EFHD2: variants seen among roughly 807,000 people sequenced by gnomAD.
EFHD2 encodes the protein EF-hand domain family member D2, also known as EF-hand domain-containing protein D2.
A neutral mutation model predicts 20.3 loss-of-function variants in EFHD2; 12 were observed. The ratio of observed to expected loss-of-function variants is 0.59; its 90% CI spans 0.38 to 0.96. The LOEUF (loss-of-function observed/expected upper bound fraction) is 0.96, where lower values mean the gene tolerates loss of function less well. Among genes scored for constraint, EFHD2 ranks in the 40% least tolerant of loss-of-function variants. The probability of loss-of-function intolerance (pLI) is 0.00; values close to 1 mark genes in which losing one functional copy is unlikely to be tolerated. For missense variants in EFHD2, 250 were observed against 334.3 expected (o/e 0.75, Z 1.97); for synonymous variants, 131 against 143.9 (o/e 0.91, Z 0.64).
chr1:15,423,307 G>T (rs1429796430), intron 1 of EFHD2, among the ~76,000 whole-genome samples: 1 of 152,004 alleles, frequency 6.6e-6, no homozygotes, highest in Non-Finnish European at 1.5e-5. Flanking sequence ...TCCATCAGTG[G>T]GGCAGAAGCC....
Position 15,425,912 on chromosome 1 carries a change from T to TAA in EFHD2, c.353_354dup (p.Leu119AsnfsTer3). The TAA allele has an allele frequency of 6.2e-7, 1 of 1,606,924 alleles. No individual in the cohort carries two copies. On this transcript the variant is annotated frameshift_variant, in exon 2 of 4. Coordinates refer to ENST00000375980, the MANE Select transcript of EFHD2 (RefSeq NM_024329.6). LOFTEE classifies it high-confidence loss of function. ...GACGGCTTCATCGACCTGATGGAGC[T>TAA]AAAACTCATGATGGAGAAACTTGGG...
intron 1 of EFHD2, among the ~76,000 whole-genome samples, chr1:15,422,953 GAGC>G (rs1380758954): frequency 3.3e-5 from 5 of 151,686 alleles, no homozygotes; most frequent in Non-Finnish European, 2.9e-5. Flanking sequence ...CTGACCTTGG[GAGC>G]CCAGGGTCAG....
intron 3 of EFHD2, chr1:15,428,055 T>C (rs758026627): frequency 1.7e-5 from 8 of 463,344 alleles, no homozygotes; most frequent in South Asian, 9.4e-5. Flanking sequence ...ATCAGAGTTA[T>C]TGGGTGCCAG....
chr1:15,411,058 G>C (rs904229598), intron 1 of EFHD2, among the ~76,000 whole-genome samples: 11 of 151,652 alleles, frequency 7.3e-5, no homozygotes, highest in Non-Finnish European at 1.2e-4. Context: ...CACTCCAGTC[G>C]TCCCTGTGGG....
At chr1:15,414,403 C>G (rs983484462) in intron 1 of EFHD2, among the ~76,000 whole-genome samples, 5 of 152,270 alleles carry the variant, frequency 3.3e-5, no homozygotes, top group African/African-American at 1.2e-4. Flanking sequence ...GGTTTGAATA[C>G]AGCTGTGGGC....
intron 1 of EFHD2, among the ~76,000 whole-genome samples, chr1:15,423,209 A>T (rs766953299): frequency 3.9e-5 from 6 of 152,154 alleles, no homozygotes; most frequent in Non-Finnish European, 8.8e-5. Flanking sequence ...GGCCTGCCTG[A>T]CCCTCTGAGT....
chr1:15,410,370 G>C, intron 1 of EFHD2, 91 bp downstream of exon 1: 1 of 1,414,834 alleles, frequency 7.1e-7, no homozygotes, highest in Non-Finnish European at 9.4e-7. Context: ...CTCCGCCCCG[G>C]GAGCCTGCCG....
chr1:15,410,732 G>A (rs1297521583), intron 1 of EFHD2, among the ~76,000 whole-genome samples: 2 of 151,134 alleles, frequency 1.3e-5, no homozygotes, highest in Non-Finnish European at 2.9e-5. Context: ...AGCTACTCGC[G>A]TTCCCCACCC....
At chr1:15,415,194 G>A (rs188133348) in intron 1 of EFHD2, among the ~76,000 whole-genome samples, 3 of 152,296 alleles carry the variant, frequency 2.0e-5, no homozygotes, top group African/African-American at 7.2e-5. Context: ...GCCCTCAAGA[G>A]GCTTATAGCC....
chr1:15,420,682 G>C (rs1458376218), intron 1 of EFHD2, among the ~76,000 whole-genome samples: 2 of 152,102 alleles, frequency 1.3e-5, no homozygotes, highest in East Asian at 3.9e-4. Context: ...ACCATGCCTG[G>C]CTAATTTCTA....
In EFHD2 at chr1:15,429,889, G is replaced by A. The variant is rs1254684496; in HGVS notation, c.*1165G>A. On this transcript the variant is annotated 3_prime_UTR_variant, in exon 4 of 4. Transcript: ENST00000375980. ...TGCTTGCTGACATGCGTGTGCCTGT[G>A]TGTGGTGTCTGTTGCTGTGTCGTGA... The A allele has an allele frequency of 2.0e-5, 3 of 152,752 alleles. No individual in the cohort carries two copies. Among genetic ancestry groups the A allele is most frequent in the African/African-American group, 7.2e-5 (3 of 41,470 alleles). The allele number at this position is 152,752 out of a possible 1,614,324, so 9.5% of individuals were successfully genotyped here.
chr1:15,426,715 G>A lies in EFHD2; in HGVS notation c.457-435G>A, dbSNP rs978944632. On this transcript the variant is annotated intron_variant, in intron 2 of 3. Transcript: ENST00000375980. The surrounding 1 kb of genome is among the most constrained non-coding windows in gnomAD (Gnocchi z 4.6). ...CAGGGTAACAGCTTAGAGTTCGAGAGCAGGGTTCCATCCCTCTGACACGTT... is the reference window on the plus strand; with the variant it reads ...CAGGGTAACAGCTTAGAGTTCGAGAACAGGGTTCCATCCCTCTGACACGTT... Among the ~76,000 whole-genome samples, 8 of 152,126 alleles carry A rather than the reference G, an allele frequency of 5.3e-5. No homozygotes were observed. The highest frequency in any genetic ancestry group is 1.2e-4 in the Non-Finnish European group (8 of 68,012).
chr1:15,416,873 G>C (rs956145667), intron 1 of EFHD2, among the ~76,000 whole-genome samples: 5 of 152,046 alleles, frequency 3.3e-5, no homozygotes, highest in African/African-American at 1.2e-4. Context: ...GCAGTGGTAC[G>C]ATCATAGCTC....
intron 1 of EFHD2, among the ~76,000 whole-genome samples, chr1:15,423,840 T>G (rs1707830792): frequency 6.6e-6 from 1 of 152,146 alleles, no homozygotes; most frequent in Non-Finnish European, 1.5e-5. Flanking sequence ...TCACCAGCAC[T>G]GTCACCCAGC....
At chr1:15,411,498 C>T (rs1261004380) in intron 1 of EFHD2, among the ~76,000 whole-genome samples, 1 of 152,246 alleles carries the variant, frequency 6.6e-6, no homozygotes, top group Non-Finnish European at 1.5e-5. Context: ...CCACTCTCTC[C>T]CAGCCATGTG....
intron 1 of EFHD2, among the ~76,000 whole-genome samples, chr1:15,424,412 T>C (rs895294690): frequency 6.6e-6 from 1 of 152,084 alleles, no homozygotes; most frequent in Non-Finnish European, 1.5e-5. Flanking sequence ...ACCTAGACTC[T>C]TACTACACAG....
At chr1:15,418,398 T>C (rs2496318) in intron 1 of EFHD2, among the ~76,000 whole-genome samples, 145,311 of 145,440 alleles carry the variant, frequency 1, 72,591 homozygotes, top group South Asian at 1. Flanking sequence ...CTCCGCCTCC[T>C]GGGTTCACGC....
chr1:15,419,231 C>T (rs1416274611), intron 1 of EFHD2, among the ~76,000 whole-genome samples: 3 of 152,192 alleles, frequency 2.0e-5, no homozygotes, highest in Admixed American at 6.5e-5. Context: ...GCTCCGCTTT[C>T]GAGAGGGGGA....
intron 1 of EFHD2, among the ~76,000 whole-genome samples, chr1:15,423,136 C>T (rs1372923876): frequency 2.6e-5 from 4 of 152,164 alleles, no homozygotes; most frequent in South Asian, 2.1e-4. Context: ...TGGCAGGAGG[C>T]GCCTCCGCTG....
Sources: gnomAD v4.1 joint callset for allele counts (sites outside exome capture counted in the v4.1 genomes callset) on GRCh38, gnomAD v4.1.1 for gene constraint, Gnocchi (gnomAD v3.1) non-coding constraint, MANE v1.5 for transcripts, NCBI Gene and HGNC (gene_info 2026-07-23, HGNC 2026-07-21) for gene names.